The following WDR81 variants were observed in gnomAD, a reference collection of about 807,000 sequenced individuals.
WDR81 encodes WD repeat-containing protein 81.
A neutral mutation model predicts 140.8 loss-of-function variants in WDR81; 92 were observed. The observed-to-expected ratio is 0.65, with a 90% confidence interval of 0.55 to 0.78. The LOEUF is 0.78. Among genes scored for constraint, WDR81 ranks in the 30% least tolerant of loss-of-function variants. The pLI, the probability that WDR81 is intolerant of heterozygous loss-of-function variation, is 0.00. For missense variants in WDR81, 2,502 were observed against 2,636.4 expected, an observed-to-expected ratio of 0.95 and a Z score of 1.12; for synonymous variants, 1,183 against 1,156.4, an observed-to-expected ratio of 1.02 and a Z score of -0.47.
chr17:1,733,679 G>T lies in WDR81; in HGVS notation c.4642G>T (p.Gly1548Cys). 1 of 1,611,744 alleles carries T rather than the reference G, an allele frequency of 6.2e-7. No individual in the cohort carries two copies. Among genetic ancestry groups the T allele is most frequent in the South Asian group, 1.1e-5 (1 of 90,918 alleles). The stretch of plus-strand genomic sequence containing the variant: ...GCCCGAGTGGGACCCCCATGGTGGG[G>T]GCTGCCCTCAGGATGACGGCCACTC... ...TGPEWDPHGG[G>C]CPQDDGHSGT... Residue 1548 changes from glycine (G) to cysteine (C), a missense_variant, in exon 7 of 10, where the codon GGC becomes TGC. Coordinates refer to ENST00000409644, the MANE Select transcript of WDR81 (RefSeq NM_001163809.2).
Position 1,730,920 on chromosome 17 carries a change from A to C in WDR81, c.3941A>C (p.Gln1314Pro). 6.2e-7 allele frequency: 1 copy of C among 1,613,236 alleles called. No homozygotes were observed. Among genetic ancestry groups the C allele is most frequent in the South Asian group, 1.1e-5 (1 of 91,080 alleles). ...RLYGEPVLTY[Q>P]YLPYISYLVA... The stretch of plus-strand genomic sequence containing the variant: ...TATGGGGAGCCTGTCCTCACCTACC[A>C]GTACCTGCCCTACATCAGCTACCTG... The change falls in exon 3 of 10, where the codon CAG becomes CCG. Residue 1314 changes from glutamine to proline, a missense_variant. Physicochemically the swap from Gln to Pro is moderately conservative, Grantham distance 76. Coordinates refer to ENST00000409644, the MANE Select transcript of WDR81 (RefSeq NM_001163809.2).
rs1915373564 is a variant in WDR81, at chr17:1,727,596, A to C, written c.2637A>C (p.Ala879=). 2.6e-6 allele frequency: 4 copies of C among 1,550,310 alleles called. No homozygotes were observed. The South Asian group carries it at 3.6e-5, about 14-fold the overall frequency. The change falls in exon 1 of 10, where the codon GCA becomes GCC. Residue 879 remains alanine (A), a synonymous_variant. Transcript: ENST00000409644. ...TTCCCTTCCCACCCTACTTCCCGGC[A>C]CTGCACAGATTCATCCTCCTGTACC... ...SVVPFPPYFP[A]LHRFILLYQA... is the part of the protein sequence containing the mutation.
Position 1,733,575 on chromosome 17 carries a change from T to G in WDR81, c.4538T>G (p.Leu1513Arg). 2.6e-6 allele frequency: 4 copies of G among 1,528,284 alleles called. No individual in the cohort carries two copies. The highest frequency in any genetic ancestry group is 3.5e-6 in the Non-Finnish European group (4 of 1,138,716). The allele number at this position is 1,528,284 out of a possible 1,614,324, so 94.7% of individuals were successfully genotyped here. Residue 1513 changes from leucine to arginine, a missense_variant, in exon 7 of 10, where the codon CTG (leucine) becomes CGG (arginine). Physicochemically the swap from Leu to Arg is moderately radical, Grantham distance 102 (BLOSUM62 -2). This residue lies in a region of WDR81 where 1,737 missense variants were observed against 1,843.0 expected (regional missense o/e 0.94). Coordinates refer to ENST00000409644, the MANE Select transcript of WDR81 (RefSeq NM_001163809.2). Reference protein sequence around the residue: ...IIPNHELVGELAALYLESISP... With the variant: ...IIPNHELVGERAALYLESISP... ...CCCAACCACGAGCTGGTTGGGGAGC[T>G]GGCGGCGCTGTACTTGGAGAGCATC...
intron 1 of WDR81, among the ~76,000 whole-genome samples, chr17:1,718,778 G>A (rs1213792143): frequency 6.6e-6 from 1 of 152,180 alleles, no homozygotes; most frequent in African/African-American, 2.4e-5. Context: ...CCATTATCCT[G>A]AGCATAGAAA....
intron 1 of WDR81, among the ~76,000 whole-genome samples, chr17:1,718,304 G>C (rs1414456074): frequency 4.6e-5 from 7 of 152,156 alleles, no homozygotes; most frequent in Non-Finnish European, 4.4e-5. Flanking sequence ...TTTTAGTAGA[G>C]ATGGTGTTTT....
upstream of WDR81, among the ~76,000 whole-genome samples, chr17:1,723,714 T>C (rs769732104): frequency 1.3e-5 from 2 of 151,854 alleles, no homozygotes; most frequent in Admixed American, 1.3e-4. Flanking sequence ...CTCGATCTCC[T>C]GACCTCGTGA....
At chr17:1,722,596 T>C (rs1914927222), upstream of WDR81, among the ~76,000 whole-genome samples, 1 of 151,908 alleles carries the variant, frequency 6.6e-6, no homozygotes, top group Non-Finnish European at 1.5e-5. Flanking sequence ...TCTGCCCATC[T>C]CAGCCTCCCA....
intron 1 of WDR81, 107 bp from the exon 2 acceptor site, chr17:1,730,273 G>T: frequency 2.2e-6 from 2 of 920,768 alleles, no homozygotes; most frequent in Non-Finnish European, 3.3e-6. Context: ...CTGGGCTCTT[G>T]GCAGAGCTGC....
rs1904467488 is a variant in WDR81 at position 1,732,719 on chromosome 17, C to G, written c.4377C>G (p.Val1459=). 6.2e-7 allele frequency: 1 copy of G among 1,612,748 alleles called. No homozygotes were observed. The highest frequency in any genetic ancestry group is 1.7e-5 in the Admixed American group (1 of 59,968). Residue 1459 remains valine (V), a synonymous_variant, in exon 6 of 10, where the codon GTC becomes GTG. Coordinates refer to ENST00000409644, the MANE Select transcript of WDR81 (RefSeq NM_001163809.2). ...GTGAGGGCCAGCTGCCACAGGTGGT[C>G]TTCTCTGATGGGCAGCAGCGGCCCG... ...GRGEGQLPQV[V]FSDGQQRPVD...
intron 9 of WDR81, 28 bp downstream of exon 9, chr17:1,736,246 C>T: frequency 6.3e-7 from 1 of 1,584,056 alleles, no homozygotes; most frequent in Non-Finnish European, 8.5e-7. Flanking sequence ...CCTCCCCTTG[C>T]TGCCCAACCC....
chr17:1,737,195 A>G (rs1365975349), intron 9 of WDR81, among the ~76,000 whole-genome samples, 170 bp from the exon 10 acceptor site: 1 of 152,298 alleles, frequency 6.6e-6, no homozygotes, highest in African/African-American at 2.4e-5. Context: ...TGAGCGTATT[A>G]AAATGAACCA....
In WDR81 at chr17:1,726,893, C is replaced by T; in HGVS notation, c.1934C>T (p.Ala645Val). ...GTTTTAGAGGCCACTCCCTGTGAGG[C>T]TAGCTGGACCAGAGACAGGCCGGTG... ...RPVLEATPCEASWTRDRPVAG... is the reference protein window; with the variant it reads ...RPVLEATPCEVSWTRDRPVAG... Residue 645 changes from alanine to valine, a missense_variant, in exon 1 of 10, where the codon GCT (alanine) becomes GTT (valine). Physicochemically the swap from Ala to Val is moderately conservative, Grantham distance 64 (BLOSUM62 0). Transcript: ENST00000409644. 6.4e-7 allele frequency: 1 copy of T among 1,550,462 alleles called. No individual in the cohort carries two copies. The highest frequency in any genetic ancestry group is 8.7e-7 in the Non-Finnish European group (1 of 1,146,980).
chr17:1,732,288 A>C, intron 4 of WDR81, 37 bp from the exon 5 acceptor site: 1 of 1,600,488 alleles, frequency 6.2e-7, no homozygotes, highest in South Asian at 1.1e-5. Context: ...CAAGTCCTGC[A>C]GAACGGCGGG....
chr17:1,726,896 G>T lies in WDR81; in HGVS notation c.1937G>T (p.Ser646Ile). ...TTAGAGGCCACTCCCTGTGAGGCTA[G>T]CTGGACCAGAGACAGGCCGGTGGCA... ...PVLEATPCEA[S>I]WTRDRPVAGE... The change falls in exon 1 of 10, where the codon AGC (serine) becomes ATC (isoleucine). Residue 646 changes from serine (S) to isoleucine (I), a missense_variant. Ser to Ile is a moderately radical substitution (Grantham distance 142). Coordinates refer to ENST00000409644, the MANE Select transcript of WDR81 (RefSeq NM_001163809.2). 1.3e-6 allele frequency: 2 copies of T among 1,550,480 alleles called. No individual in the cohort carries two copies. The highest frequency in any genetic ancestry group is 1.7e-6 in the Non-Finnish European group (2 of 1,146,986).
Position 1,728,538 on chromosome 17 carries a change from T to C in WDR81, c.3579T>C (p.Val1193=), listed in dbSNP as rs1223878038. The C allele has an allele frequency of 2.6e-6, 4 of 1,549,618 alleles. No homozygotes were observed. Among genetic ancestry groups the C allele is most frequent in the Non-Finnish European group, 2.6e-6 (3 of 1,143,166 alleles). ...ACACGGTGCTGTCCATGGAGACGGT[T>C]GTGGCCGGCGGCAGTGGGGGAGATG... ...LSDTVLSMET[V]VAGGSGGDGE... is the part of the protein sequence containing the mutation. Residue 1193 remains valine (V), a synonymous_variant, in exon 1 of 10, where the codon GTT becomes GTC. Coordinates refer to ENST00000409644, the MANE Select transcript of WDR81 (RefSeq NM_001163809.2).
upstream of WDR81, chr17:1,724,692 G>A (rs1294313464): frequency 9.3e-7 from 1 of 1,072,164 alleles, no homozygotes; most frequent in Admixed American, 5.3e-5. Flanking sequence ...GGGCGATCAC[G>A]TGACCCGCGT....
intron 1 of WDR81, among the ~76,000 whole-genome samples, chr17:1,729,654 A>C (rs1288763594): frequency 6.6e-6 from 1 of 151,962 alleles, no homozygotes; most frequent in Non-Finnish European, 1.5e-5. Context: ...TGAGGCTGTC[A>C]TGTTCCATTA....
Position 1,735,839 on chromosome 17 carries a change from G to T in WDR81, c.5325+122G>T. On this transcript the variant is annotated intron_variant, in intron 8 of 9. Transcript: ENST00000409644. This position sits in a 1 kb window ranked among gnomAD's most constrained non-coding sequence, Gnocchi z 4.2. The stretch of plus-strand genomic sequence containing the variant: ...TGGGGCCCTAGTTAGTTTCTCTTTG[G>T]TGCTAGATCACCCACAGCCACACAT... The T allele has an allele frequency of 7.0e-7, 1 of 1,421,406 alleles. No individual in the cohort carries two copies. The highest frequency in any genetic ancestry group is 2.4e-5 in the East Asian group (1 of 41,440). 88.0% of individuals were successfully genotyped at this position (1,421,406 alleles called of 1,614,324 possible). A position where few individuals can be genotyped will look rare whatever the true frequency, so the allele number is the denominator to read the frequency against.
Position 1,726,158 on chromosome 17 carries a change from G to A in WDR81, c.1199G>A (p.Arg400His), listed in dbSNP as rs1439128582. The A allele has an allele frequency of 7.2e-6, 11 of 1,519,616 alleles. No homozygotes were observed. The South Asian group carries it at 7.4e-5, about 10-fold the overall frequency. The allele number at this position is 1,519,616 out of a possible 1,614,324, so 94.1% of individuals were successfully genotyped here. ...CCCCATGGGCGCTTCCGAGACCTGC[G>A]CAAGTCCAAGTTCCGCCTCAACAAG... ...TTPHGRFRDL[R>H]KSKFRLNKGD... The change falls in exon 1 of 10, where the codon CGC becomes CAC. Residue 400 changes from arginine (R) to histidine (H), a missense_variant. Physicochemically the swap from Arg to His is conservative, Grantham distance 29 (BLOSUM62 0). Around this residue, in one of 3 missense-constraint regions of WDR81, gnomAD observed 218 missense variants for 279.6 expected, o/e 0.78. Transcript: ENST00000409644.
Sources: allele counts gnomAD v4.1 joint callset (sites outside exome capture counted in the v4.1 genomes callset), GRCh38; gene constraint gnomAD v4.1.1; regional missense constraint gnomAD v4.1.1; non-coding constraint Gnocchi (gnomAD v3.1); transcripts MANE v1.5; gene names NCBI Gene and HGNC (gene_info 2026-07-23, HGNC 2026-07-21).